Variants in RIMS2 observed in about 807,000 individuals in gnomAD.
RIMS2 encodes the protein regulating synaptic membrane exocytosis 2, also known as regulating synaptic membrane exocytosis protein 2.
A neutral mutation model predicts 174.4 loss-of-function variants in RIMS2; 59 were observed. The observed-to-expected ratio is 0.34, with a 90% CI of 0.27 to 0.42. The LOEUF (loss-of-function observed/expected upper bound fraction) is 0.42, where lower values mean the gene tolerates loss of function less well. Ranked by LOEUF, RIMS2 falls within the 10% of genes least tolerant of loss-of-function variation. The probability of loss-of-function intolerance (pLI) is 1.00; values close to 1 mark genes in which losing one functional copy is unlikely to be tolerated. For missense variants in RIMS2, 1,620 were observed against 1,666.3 expected (o/e 0.97, Z 0.48); for synonymous variants, 606 against 572.5 (o/e 1.06, Z -0.84).
At chr8:104,190,694 T>G (rs2098993082) in intron 19 of RIMS2, among the ~76,000 whole-genome samples, 1 of 152,118 alleles carries the variant, frequency 6.6e-6, no homozygotes, top group South Asian at 2.1e-4. Flanking sequence ...ATCTCCTCTT[T>G]CCCTATAGAT....
intron 3 of RIMS2, among the ~76,000 whole-genome samples, chr8:103,860,081 G>C (rs568920802): frequency 2.6e-5 from 4 of 152,148 alleles, no homozygotes; most frequent in Non-Finnish European, 5.9e-5. Context: ...AGATGGCTAT[G>C]ATTGAGCTAT....
intron 13 of RIMS2, among the ~76,000 whole-genome samples, chr8:103,942,302 A>G (rs2082716509): frequency 6.6e-6 from 1 of 152,112 alleles, no homozygotes; most frequent in Admixed American, 6.5e-5. Context: ...AGCTCCATCC[A>G]TGTCCCTGCA....
chr8:103,603,645 C>T (rs1406488169), intron 1 of RIMS2, among the ~76,000 whole-genome samples: 2 of 148,754 alleles, frequency 1.3e-5, no homozygotes, highest in Non-Finnish European at 3.0e-5. Flanking sequence ...TTCTCCACAT[C>T]CTCTCCAGCA....
chr8:103,793,214 A>T (rs904819841), intron 3 of RIMS2, among the ~76,000 whole-genome samples: 1 of 152,312 alleles, frequency 6.6e-6, no homozygotes, highest in Non-Finnish European at 1.5e-5. Flanking sequence ...CCAGCAGCAC[A>T]TCTAAAAGCT....
At position 103,947,737 on chromosome 8, in the gene RIMS2, C is replaced by T. The variant is rs187926744; in HGVS notation, c.2701+4811C>T. Among the ~76,000 whole-genome samples the T allele has an allele frequency of 6.8e-4, 103 of 152,180 alleles. 1 individual carries two copies. Among genetic ancestry groups the T allele is most frequent in the Non-Finnish European group, 1.3e-4 (9 of 68,002 alleles). ...CAAAGGCCTAGGACATTACTGTATA[C>T]TATAGTAGACTTTATAAACATCGAA... On this transcript the variant is annotated intron_variant, in intron 14 of 23. Coordinates refer to ENST00000504942, the Ensembl canonical transcript of RIMS2.
In RIMS2 at chr8:103,744,563, C is replaced by T. The variant is rs889831368; in HGVS notation, c.388-21664C>T. 3.3e-5 allele frequency among the ~76,000 whole-genome samples: 5 copies of T among 152,104 alleles called. No individual in the cohort carries two copies. The East Asian group carries it at 9.6e-4, about 29-fold the overall frequency. On this transcript the variant is annotated intron_variant, in intron 2 of 23. Transcript: ENST00000504942. The stretch of plus-strand genomic sequence containing the variant: ...GTAGGATTCACCTGCAAAACTGTAA[C>T]AATTGTTATATGTACCCTACTCATA...
At chr8:103,523,135 C>G (rs1228875657) in intron 1 of RIMS2, among the ~76,000 whole-genome samples, 1 of 149,244 alleles carries the variant, frequency 6.7e-6, no homozygotes, top group African/African-American at 2.5e-5. Context: ...TGTGTGTGTG[C>G]AGTATGAGAG....
intron 16 of RIMS2, 37 bp downstream of exon 18, chr8:103,975,543 G>A (rs72683111): frequency 0.16 from 243,554 of 1,513,258 alleles, 22,045 homozygotes; most frequent in Non-Finnish European, 0.19. Flanking sequence ...TAGGGTGGCT[G>A]TATTAGTCAG....
chr8:103,615,755 C>T (rs111703207), intron 1 of RIMS2, among the ~76,000 whole-genome samples: 15 of 152,100 alleles, frequency 9.9e-5, no homozygotes, highest in African/African-American at 3.4e-4. Context: ...TCTATGCACA[C>T]GAACTAGAAC....
intron 19 of RIMS2, among the ~76,000 whole-genome samples, chr8:104,124,503 A>G (rs1038728162): frequency 1.3e-5 from 2 of 152,046 alleles, no homozygotes; most frequent in Non-Finnish European, 2.9e-5. Flanking sequence ...GTCACTTGCA[A>G]TAGAATCGCC....
At chr8:103,887,248 T>C (rs1346559232) in intron 4 of RIMS2, among the ~76,000 whole-genome samples, 1 of 151,732 alleles carries the variant, frequency 6.6e-6, no homozygotes, top group African/African-American at 2.4e-5. Context: ...TGCCCATCTT[T>C]CTCTGGGTAT....
At chr8:104,069,895 A>G (rs909838522) in intron 19 of RIMS2, among the ~76,000 whole-genome samples, 6 of 152,238 alleles carry the variant, frequency 3.9e-5, no homozygotes, top group Admixed American at 2.0e-4. Context: ...TAAAAGAATT[A>G]AAATAGCAAA....
At chr8:103,697,558 AAC>A (rs1209210134) in intron 2 of RIMS2, among the ~76,000 whole-genome samples, 2 of 150,952 alleles carry the variant, frequency 1.3e-5, no homozygotes, top group Admixed American at 1.3e-4. Context: ...AAAAAAAAAA[AAC>A]AAAAAAAACC....
chr8:103,653,015 C>A (rs1385263025), intron 1 of RIMS2, among the ~76,000 whole-genome samples: 3 of 152,054 alleles, frequency 2.0e-5, no homozygotes, highest in African/African-American at 7.2e-5. Flanking sequence ...GTGTTTCTTT[C>A]AAAAATTGTT....
intron 15 of RIMS2, among the ~76,000 whole-genome samples, chr8:103,968,998 G>A (rs28826404): frequency 6.6e-6 from 1 of 151,716 alleles, no homozygotes; most frequent in African/African-American, 2.4e-5. Flanking sequence ...TAGGTTGGTG[G>A]TTTTTTTCTT....
intron 19 of RIMS2, among the ~76,000 whole-genome samples, chr8:104,123,392 A>G (rs1041483870): frequency 1.3e-5 from 2 of 152,028 alleles, no homozygotes; most frequent in African/African-American, 4.8e-5. Flanking sequence ...CATTCTACAT[A>G]GGCAGGAGTT....
chr8:103,680,122 G>T lies in RIMS2; in HGVS notation c.177-16964G>T, dbSNP rs758701662. ...CAAATTTATATATTTAAGATTTTTTGGATCTTTAATTTTATTTGGAGTTTG... is the reference window on the plus strand; with the variant it reads ...CAAATTTATATATTTAAGATTTTTTTGATCTTTAATTTTATTTGGAGTTTG... On this transcript the variant is annotated intron_variant, in intron 1 of 23. Coordinates refer to ENST00000504942, the Ensembl canonical transcript of RIMS2. 8.6e-5 allele frequency among the ~76,000 whole-genome samples: 13 copies of T among 151,776 alleles called. 1 individual carries two copies. Among genetic ancestry groups the T allele is most frequent in the South Asian group, 2.1e-4 (1 of 4,816 alleles).
At chr8:103,602,782 T>A (rs2094824264) in intron 1 of RIMS2, among the ~76,000 whole-genome samples, 1 of 152,190 alleles carries the variant, frequency 6.6e-6, no homozygotes. Context: ...TATGTCTCTC[T>A]ATGGTAGAGG....
intron 1 of RIMS2, among the ~76,000 whole-genome samples, chr8:103,548,548 A>G (rs1316181219): frequency 6.6e-6 from 1 of 151,212 alleles, no homozygotes; most frequent in African/African-American, 2.4e-5. Flanking sequence ...TATGTAAAAC[A>G]TACAACCAAC....
Sources: gnomAD v4.1 joint callset for allele counts (sites outside exome capture counted in the v4.1 genomes callset) on GRCh38, gnomAD v4.1.1 for gene constraint, MANE v1.5 for transcripts, NCBI Gene and HGNC (gene_info 2026-07-23, HGNC 2026-07-21) for gene names.